RNF187: variants seen among roughly 807,000 people sequenced by gnomAD.
RNF187 encodes E3 ubiquitin-protein ligase RNF187.
In RNF187, 18 loss-of-function variants were observed where a neutral mutation model predicts 22.2. That is an observed-to-expected ratio of 0.81 (90% CI 0.56 to 1.20). The LOEUF (loss-of-function observed/expected upper bound fraction) is 1.20, where lower values mean the gene tolerates loss of function less well. RNF187 is among the 50% of genes most tolerant of loss of function. RNF187 has a pLI of 0.00. For synonymous variants in RNF187, 164 were observed against 140.9 expected (o/e 1.16, Z -1.16); for missense variants, 329 against 317.6 (o/e 1.04, Z -0.27).
Position 228,494,815 on chromosome 1 carries a change from T to C in RNF187, c.*930T>C. On this transcript the variant is annotated 3_prime_UTR_variant, in exon 4 of 4. Coordinates refer to ENST00000305943, the MANE Select transcript of RNF187 (RefSeq NM_001010858.3). Reference sequence around the variant, plus strand: ...TCGGGGACATAGATGCAGACAGTTGTTGAGATTTGGGGATAGCCGGGCTTG... The same window carrying C: ...TCGGGGACATAGATGCAGACAGTTGCTGAGATTTGGGGATAGCCGGGCTTG... 5 of 985,132 alleles carry C rather than the reference T, an allele frequency of 5.1e-6. No individual in the cohort carries two copies. The African/African-American group carries it at 7.0e-5, about 14-fold the overall frequency. The allele number at this position is 985,132 out of a possible 1,614,324, so 61.0% of individuals were successfully genotyped here.
intron 2 of RNF187, among the ~76,000 whole-genome samples, chr1:228,491,403 A>AAAAT: frequency 6.1e-5 from 9 of 148,130 alleles, no homozygotes; most frequent in Admixed American, 2.7e-4. Flanking sequence ...AAAAAAAAAA[A>AAAAT]AAAAAATAAA....
chr1:228,487,780 C>G lies in RNF187; in HGVS notation c.292C>G (p.Arg98Gly), dbSNP rs928849300. 4 of 1,086,708 alleles carry G rather than the reference C, an allele frequency of 3.7e-6. No homozygotes were observed. In the African/African-American group the frequency reaches 6.7e-5, roughly 18 times the overall value. 67.3% of individuals were successfully genotyped at this position (1,086,708 alleles called of 1,614,324 possible). A position where few individuals can be genotyped will look rare whatever the true frequency, so the allele number is the denominator to read the frequency against. Residue 98 changes from arginine (R) to glycine (G), a missense_variant, in exon 1 of 4, where the codon CGC becomes GGC. Coordinates refer to ENST00000305943, the MANE Select transcript of RNF187 (RefSeq NM_001010858.3). ...CGAGGCCGCGCTGCAGCTGCTGTGC[C>G]GCGCCGACGCCGGCCCGCTCTGCGC...
chr1:228,494,063 G>A lies in RNF187; in HGVS notation c.*178G>A. 6.6e-7 allele frequency: 1 copy of A among 1,504,454 alleles called. No individual in the cohort carries two copies. Among genetic ancestry groups the A allele is most frequent in the Non-Finnish European group, 8.9e-7 (1 of 1,126,976 alleles). The allele number at this position is 1,504,454 out of a possible 1,614,324, so 93.2% of individuals were successfully genotyped here. A position where few individuals can be genotyped will look rare whatever the true frequency, so the allele number is the denominator to read the frequency against. ...TCCTTCACCCCGAGGCGTGTTTTGG[G>A]GGCTGCAAACACCTCCCGGTAGAGG... On this transcript the variant is annotated 3_prime_UTR_variant, in exon 4 of 4. Transcript: ENST00000305943.
chr1:228,491,411 A>G, intron 2 of RNF187, among the ~76,000 whole-genome samples: 1 of 149,276 alleles, frequency 6.7e-6, no homozygotes, highest in Non-Finnish European at 1.5e-5. Flanking sequence ...AAAAAAAAAT[A>G]AAGGGAGATG....
intron 1 of RNF187, 128 bp from the exon 2 acceptor site, chr1:228,488,832 G>T: frequency 1.4e-6 from 1 of 707,264 alleles, no homozygotes. Flanking sequence ...CTAGACAACC[G>T]GGCTTCGAGG....
At chr1:228,492,190 A>G in intron 2 of RNF187, among the ~76,000 whole-genome samples, 2 of 151,920 alleles carry the variant, frequency 1.3e-5, no homozygotes, top group African/African-American at 2.4e-5. Context: ...TGCTGGGACC[A>G]TAGGTGTGCA....
intron 2 of RNF187, among the ~76,000 whole-genome samples, chr1:228,489,333 CAG>C: frequency 1.3e-5 from 2 of 152,024 alleles, no homozygotes; most frequent in South Asian, 2.1e-4. Context: ...TCCCAAGAGA[CAG>C]AGTCTCACTT....
intron 2 of RNF187, 22 bp downstream of exon 2, chr1:228,489,074 A>C: frequency 6.5e-7 from 1 of 1,534,112 alleles, no homozygotes; most frequent in East Asian, 2.4e-5. Context: ...GACCTGGGGC[A>C]GCCTGGAATG....
Position 228,494,049 on chromosome 1 carries a change from G to A in RNF187, c.*164G>A. The A allele has an allele frequency of 2.6e-6, 4 of 1,519,452 alleles. No individual in the cohort carries two copies. Among genetic ancestry groups the A allele is most frequent in the African/African-American group, 1.4e-5 (1 of 72,654 alleles). 94.1% of individuals were successfully genotyped at this position (1,519,452 alleles called of 1,614,324 possible). A position where few individuals can be genotyped will look rare whatever the true frequency, so the allele number is the denominator to read the frequency against. On this transcript the variant is annotated 3_prime_UTR_variant, in exon 4 of 4. Transcript: ENST00000305943. ...ACAATGTCCATTTATCCTTCACCCC[G>A]AGGCGTGTTTTGGGGGCTGCAAACA...
chr1:228,487,522 T>C lies in RNF187; in HGVS notation c.34T>C (p.Cys12Arg). 8.4e-7 allele frequency: 1 copy of C among 1,184,594 alleles called. No individual in the cohort carries two copies. Among genetic ancestry groups the C allele is most frequent in the Non-Finnish European group, 1.0e-6 (1 of 957,718 alleles). The allele number at this position is 1,184,594 out of a possible 1,614,324, so 73.4% of individuals were successfully genotyped here. The change falls in exon 1 of 4, where the codon TGC (cysteine) becomes CGC (arginine). Residue 12 changes from cysteine (C) to arginine (R), a missense_variant. By Grantham distance (180) the Cys-to-Arg change is radical (BLOSUM62 -3). Transcript: ENST00000305943. ...CCCTGCGGGCCCCGCCGAGGCCGCC[T>C]GCGCCCTGTGCCAGCGCGCGCCCCG...
intron 1 of RNF187, 69 bp downstream of exon 1, chr1:228,487,947 C>A: frequency 3.4e-5 from 33 of 969,612 alleles, no homozygotes; most frequent in Non-Finnish European, 2.3e-5. Context: ...CGCCCCGGTC[C>A]CCCTGAGCCC....
In RNF187 at chr1:228,495,360, T is replaced by G; in HGVS notation, c.*1475T>G. 7 of 553,934 alleles carry G rather than the reference T, an allele frequency of 1.3e-5. No homozygotes were observed. The highest frequency in any genetic ancestry group is 1.6e-5 in the Non-Finnish European group (7 of 436,126). The allele number at this position is 553,934 out of a possible 1,614,324, so 34.3% of individuals were successfully genotyped here. A position where few individuals can be genotyped will look rare whatever the true frequency, so the allele number is the denominator to read the frequency against. ...TACCATTGAGGGTGGTCAGATATTA[T>G]GGTTAACCAAATTAGGGTTCTTGCT... is the stretch of plus-strand genomic sequence containing the variant. On this transcript the variant is annotated 3_prime_UTR_variant, in exon 4 of 4. Transcript: ENST00000305943.
At position 228,493,279 on chromosome 1, in the gene RNF187, G is replaced by T; in HGVS notation, c.705+5G>T. On this transcript the variant is annotated splice_donor_5th_base_variant and intron_variant, in intron 3 of 3. Transcript: ENST00000305943. The surrounding 1 kb of genome is among the most constrained non-coding windows in gnomAD (Gnocchi z 4.7). ...GGCCTCAGCATGCTGCTGCAGGTGC[G>T]GGAGCCCCGCTGGGTCTGCCCACCA... 2 of 1,548,644 alleles carry T rather than the reference G, an allele frequency of 1.3e-6. No homozygotes were observed. The highest frequency in any genetic ancestry group is 1.2e-5 in the South Asian group (1 of 83,924).
chr1:228,493,012 G>A lies in RNF187; in HGVS notation c.484-41G>A. 1 of 1,501,592 alleles carries A rather than the reference G, an allele frequency of 6.7e-7. No individual in the cohort carries two copies. The allele number at this position is 1,501,592 out of a possible 1,614,324, so 93.0% of individuals were successfully genotyped here. A position where few individuals can be genotyped will look rare whatever the true frequency, so the allele number is the denominator to read the frequency against. On this transcript the variant is annotated intron_variant, in intron 2 of 3. Transcript: ENST00000305943. This position sits in a 1 kb window ranked among gnomAD's most constrained non-coding sequence, Gnocchi z 4.7. ...ACAGGTTCCCCTTCCCCTGGGGAGG[G>A]TGGGTGAGGACACAGGTCTTTTCCT...
intron 1 of RNF187, 128 bp downstream of exon 1, chr1:228,488,006 C>T: frequency 1.9e-6 from 1 of 539,156 alleles, no homozygotes; most frequent in South Asian, 8.2e-5. Flanking sequence ...GTCCCCGTCC[C>T]CGGATTGTCC....
intron 2 of RNF187, 52 bp downstream of exon 2, chr1:228,489,104 G>A: frequency 1.4e-6 from 2 of 1,465,172 alleles, no homozygotes; most frequent in Non-Finnish European, 9.3e-7. Flanking sequence ...TGGGCTCAGG[G>A]CTCTAGACAA....
Position 228,494,894 on chromosome 1 carries a change from C to T in RNF187, c.*1009C>T. On this transcript the variant is annotated 3_prime_UTR_variant, in exon 4 of 4. Coordinates refer to ENST00000305943, the MANE Select transcript of RNF187 (RefSeq NM_001010858.3). ...TTTCAGCCCTTCTGAGTCCCCGGCC[C>T]TTGGTGCGATGTCTGTGAGTTTGAC... 1 of 985,442 alleles carries T rather than the reference C, an allele frequency of 1.0e-6. No individual in the cohort carries two copies. The highest frequency in any genetic ancestry group is 1.2e-6 in the Non-Finnish European group (1 of 829,986). 61.0% of individuals were successfully genotyped at this position (985,442 alleles called of 1,614,324 possible).
chr1:228,494,237 G>T lies in RNF187; in HGVS notation c.*352G>T. The T allele has an allele frequency of 7.9e-7, 1 of 1,265,932 alleles. No homozygotes were observed. Among genetic ancestry groups the T allele is most frequent in the East Asian group, 3.5e-5 (1 of 28,244 alleles). 78.4% of individuals were successfully genotyped at this position (1,265,932 alleles called of 1,614,324 possible). ...CTCGTCATCCAGGGACCCAGACCCTGCACCTTCCATGTGGGCCCACAGATC... is the reference window on the plus strand; with the variant it reads ...CTCGTCATCCAGGGACCCAGACCCTTCACCTTCCATGTGGGCCCACAGATC... On this transcript the variant is annotated 3_prime_UTR_variant, in exon 4 of 4. Transcript: ENST00000305943.
In RNF187 at chr1:228,495,583, C is replaced by T; in HGVS notation, c.*1698C>T. 17 of 985,594 alleles carry T rather than the reference C, an allele frequency of 1.7e-5. No individual in the cohort carries two copies. The highest frequency in any genetic ancestry group is 2.0e-5 in the Non-Finnish European group (17 of 829,962). The allele number at this position is 985,594 out of a possible 1,614,324, so 61.1% of individuals were successfully genotyped here. Reference sequence around the variant, plus strand: ...TGAGCATCCCTGCCCCTGCCCTGCACACCTGTGATGCTTGCCCGGACAGGT... The same window carrying T: ...TGAGCATCCCTGCCCCTGCCCTGCATACCTGTGATGCTTGCCCGGACAGGT... On this transcript the variant is annotated 3_prime_UTR_variant, in exon 4 of 4. Coordinates refer to ENST00000305943, the MANE Select transcript of RNF187 (RefSeq NM_001010858.3).
Sources: gnomAD v4.1 joint callset for allele counts (sites outside exome capture counted in the v4.1 genomes callset) on GRCh38, gnomAD v4.1.1 for gene constraint, Gnocchi (gnomAD v3.1) non-coding constraint, MANE v1.5 for transcripts, NCBI Gene and HGNC (gene_info 2026-07-23, HGNC 2026-07-21) for gene names.